Variants in CUBN observed in about 807,000 individuals in gnomAD.
The protein encoded by CUBN is cubilin, also known as 460 kDa receptor.
Under a neutral mutation model 405.3 loss-of-function variants are expected in CUBN, and 282 were observed. The observed-to-expected ratio is 0.70, with a 90% CI of 0.63 to 0.77. The LOEUF (loss-of-function observed/expected upper bound fraction) is 0.77, where lower values mean the gene tolerates loss of function less well. CUBN is among the 30% of genes least tolerant of loss of function. CUBN has a pLI of 0.00. For synonymous variants in CUBN, 1,684 were observed against 1,617.0 expected (o/e 1.04, Z -0.99); for missense variants, 4,514 against 4,475.2 (o/e 1.01, Z -0.25).
At chr10:16,949,450 TGTGTGTGTGTGTGTA>T (rs137986588) in intron 34 of CUBN, among the ~76,000 whole-genome samples, 25,659 of 130,978 alleles carry the variant, frequency 0.2, 2,654 homozygotes, top group Non-Finnish European at 0.26. Context: ...TGTGTGTGTG[TGTGTGTGTGTGTGTA>T]GTGTGTGTGT....
At chr10:17,085,837 A>G (rs1836095483) in intron 15 of CUBN, 78 bp from the exon 16 acceptor site, 7 of 1,276,822 alleles carry the variant, frequency 5.5e-6, no homozygotes, top group Non-Finnish European at 6.7e-6. Flanking sequence ...TATTAACTTC[A>G]TAAAATCTAT....
Position 17,129,327 on chromosome 10 carries a change from T to G in CUBN, c.123-77A>C, listed in dbSNP as rs191430610. 1,074 of 1,511,304 alleles carry G rather than the reference T, an allele frequency of 7.1e-4. 6 individuals carry two copies. Among genetic ancestry groups the G allele is most frequent in the Admixed American group, 6.7e-5 (4 of 59,560 alleles). 93.6% of individuals were successfully genotyped at this position (1,511,304 alleles called of 1,614,324 possible). A position where few individuals can be genotyped will look rare whatever the true frequency, so the allele number is the denominator to read the frequency against. On this transcript the variant is annotated intron_variant, in intron 1 of 66. Coordinates refer to ENST00000377833, the MANE Select transcript of CUBN (RefSeq NM_001081.4). ...AAACCAAAATAACAAAGTTTCTTAC[T>G]GAATAACTACAGGCCAAATACATCT...
chr10:16,966,687 G>A (rs930030514), intron 31 of CUBN, among the ~76,000 whole-genome samples: 1 of 152,080 alleles, frequency 6.6e-6, no homozygotes, highest in Non-Finnish European at 1.5e-5. Context: ...GACCTCAAAT[G>A]ATCCACCCAC....
At chr10:16,882,657 A>T (rs1267663655) in intron 56 of CUBN, among the ~76,000 whole-genome samples, 1 of 152,196 alleles carries the variant, frequency 6.6e-6, no homozygotes, top group Admixed American at 6.5e-5. Context: ...GAGATGAGGG[A>T]AAACCCTTTG....
chr10:16,919,988 G>A lies in CUBN; in HGVS notation c.6796C>T (p.Arg2266Ter), dbSNP rs373056649. The A allele has an allele frequency of 1.9e-5, 30 of 1,613,418 alleles. No individual in the cohort carries two copies. The highest frequency in any genetic ancestry group is 2.3e-5 in the Non-Finnish European group (27 of 1,179,942). Residue 2266 changes from arginine (R) to a stop codon, truncating the protein, a stop_gained, in exon 44 of 67, where the codon CGA becomes TGA. Coordinates refer to ENST00000377833, the MANE Select transcript of CUBN (RefSeq NM_001081.4). LOFTEE classifies it high-confidence loss of function. ...TTGGGTGTTACTTCAATATCGAATCGATCTTCAAATTGCAGCTGTATGCGT... is the reference window on the plus strand; with the variant it reads ...TTGGGTGTTACTTCAATATCGAATCAATCTTCAAATTGCAGCTGTATGCGT... The part of the protein sequence containing the change: ...ETRIQLQFED[R>*]FDIEVTPNCT...
intron 56 of CUBN, among the ~76,000 whole-genome samples, chr10:16,882,833 G>A (rs1840700719): frequency 6.6e-6 from 1 of 152,062 alleles, no homozygotes; most frequent in Non-Finnish European, 1.5e-5. Flanking sequence ...GGCCAACAAG[G>A]TGAAACCCCA....
chr10:16,864,657 C>CTTTTTTTTTTTT (rs58100254), intron 59 of CUBN, among the ~76,000 whole-genome samples: 2 of 121,454 alleles, frequency 1.6e-5, no homozygotes, highest in African/African-American at 2.9e-5. Context: ...TTTTTTCTTT[C>CTTTTTTTTTTTT]TTTTTTTTTT....
intron 40 of CUBN, among the ~76,000 whole-genome samples, 196 bp downstream of exon 40, chr10:16,932,891 T>C (rs371041833): frequency 5.9e-5 from 9 of 152,322 alleles, no homozygotes; most frequent in Admixed American, 2.0e-4. Context: ...ATTCCTGATA[T>C]TCTGTGACCG....
intron 27 of CUBN, among the ~76,000 whole-genome samples, chr10:17,030,709 G>A (rs1173760391): frequency 6.6e-6 from 1 of 151,296 alleles, no homozygotes; most frequent in Non-Finnish European, 1.5e-5. Context: ...ACCTGAGGTC[G>A]GCAGTTCGAG....
In CUBN at chr10:17,111,116, G is replaced by A. The variant is rs1336462287; in HGVS notation, c.884-66C>T. 9 of 1,556,704 alleles carry A rather than the reference G, an allele frequency of 5.8e-6. No individual in the cohort carries two copies. The East Asian group carries it at 1.8e-4, about 31-fold the overall frequency. On this transcript the variant is annotated intron_variant, in intron 8 of 66. Transcript: ENST00000377833. ...AAGTCAACAAGGAAGAAATACAAGA[G>A]TCAAAACATATAAAAACCTTCTCCA...
Position 17,086,422 on chromosome 10 carries a change from T to C in CUBN, c.1948-663A>G, listed in dbSNP as rs374197889. ...AAAGAAAACAGAAGAAGGAACACCATTGATGCCAACTGATTCATAACTTGG... is the reference window on the plus strand; with the variant it reads ...AAAGAAAACAGAAGAAGGAACACCACTGATGCCAACTGATTCATAACTTGG... On this transcript the variant is annotated intron_variant, in intron 15 of 66. Coordinates refer to ENST00000377833, the MANE Select transcript of CUBN (RefSeq NM_001081.4). Among the ~76,000 whole-genome samples the C allele has an allele frequency of 3.9e-5, 6 of 152,288 alleles. No homozygotes were observed. In the East Asian group the frequency reaches 5.8e-4, roughly 15 times the overall value.
chr10:17,085,589 T>C lies in CUBN; in HGVS notation c.2110+8A>G. Reference sequence around the variant, plus strand: ...CCCTCTTAAGCCCCCAACTGGTAGGTTACTTACAAGGTGATGTTAAGTAGG... The same window carrying C: ...CCCTCTTAAGCCCCCAACTGGTAGGCTACTTACAAGGTGATGTTAAGTAGG... On this transcript the variant is annotated splice_region_variant and intron_variant, in intron 16 of 66. Transcript: ENST00000377833. 1.2e-6 allele frequency: 2 copies of C among 1,613,202 alleles called. No homozygotes were observed. The highest frequency in any genetic ancestry group is 1.7e-6 in the Non-Finnish European group (2 of 1,179,126).
In CUBN at chr10:16,939,148, C is replaced by G; in HGVS notation, c.5549-1G>C. On this transcript the variant is annotated splice_acceptor_variant, in intron 37 of 66. Transcript: ENST00000377833. LOFTEE classifies it high-confidence loss of function. ...CCCACAATATTATCATTGCCAAATA[C>G]TAGGAGGGAAGACAGAGTAGTAAAT... The G allele has an allele frequency of 6.2e-7, 1 of 1,612,782 alleles. No homozygotes were observed. Among genetic ancestry groups the G allele is most frequent in the Non-Finnish European group, 8.5e-7 (1 of 1,178,864 alleles).
Position 16,913,885 on chromosome 10 carries a change from C to T in CUBN, c.7459G>A (p.Gly2487Arg). ...TTAAACATTAGGGTGATCCGCCTTC[C>T]CTCCGGGGCAGTGATTCTCCACTCG... ...ICEWRITAPE[G>R]RRITLMFNNL... Residue 2487 changes from glycine to arginine, a missense_variant, in exon 48 of 67, where the codon GGA (glycine) becomes AGA (arginine). Transcript: ENST00000377833. 2 of 1,614,132 alleles carry T rather than the reference C, an allele frequency of 1.2e-6. No individual in the cohort carries two copies. Among genetic ancestry groups the T allele is most frequent in the Non-Finnish European group, 1.7e-6 (2 of 1,180,036 alleles).
intron 59 of CUBN, among the ~76,000 whole-genome samples, chr10:16,864,148 A>T (rs1840095739): frequency 6.6e-6 from 1 of 152,218 alleles, no homozygotes; most frequent in African/African-American, 2.4e-5. Flanking sequence ...TTATTCTGTA[A>T]ATCACTCATA....
chr10:17,121,168 T>C (rs1837031461), intron 6 of CUBN, among the ~76,000 whole-genome samples: 1 of 152,228 alleles, frequency 6.6e-6, no homozygotes, highest in Non-Finnish European at 1.5e-5. Context: ...TGGTTAATTT[T>C]ACTTTTGCAT....
chr10:17,055,348 A>G (rs1003492961), intron 22 of CUBN, among the ~76,000 whole-genome samples: 1 of 152,098 alleles, frequency 6.6e-6, no homozygotes, highest in Non-Finnish European at 1.5e-5. Context: ...TCCTGTCAAG[A>G]TTAAGAAAAA....
At chr10:16,972,353 C>G (rs570288004) in intron 31 of CUBN, among the ~76,000 whole-genome samples, 35 of 152,224 alleles carry the variant, frequency 2.3e-4, no homozygotes, top group African/African-American at 7.2e-4. Flanking sequence ...ACTCTTATGT[C>G]AAACTATATA....
chr10:17,068,180 G>A lies in CUBN; in HGVS notation c.2892C>T (p.Val964=), dbSNP rs745487537. Residue 964 remains valine (V), a synonymous_variant, in exon 21 of 67, where the codon GTC becomes GTT. Coordinates refer to ENST00000377833, the MANE Select transcript of CUBN (RefSeq NM_001081.4). The part of the protein sequence containing the change: ...HGINCTWHIL[V]QPNHLIHLMF... ...TTAAATGAATCAGGTGATTAGGTTG[G>A]ACTAATATATGCCAAGTACAGTTGA... 6 of 1,613,652 alleles carry A rather than the reference G, an allele frequency of 3.7e-6. No homozygotes were observed. Among genetic ancestry groups the A allele is most frequent in the South Asian group, 3.3e-5 (3 of 91,072 alleles).
Sources: gnomAD v4.1 joint callset for allele counts (sites outside exome capture counted in the v4.1 genomes callset) on GRCh38, gnomAD v4.1.1 for gene constraint, MANE v1.5 for transcripts, NCBI Gene and HGNC (gene_info 2026-07-23, HGNC 2026-07-21) for gene names.